Variants in TRAF3 observed in about 807,000 individuals in gnomAD.
TRAF3 encodes the protein TNF receptor associated factor 3.
In TRAF3, 13 loss-of-function variants were observed where a neutral mutation model predicts 62.3. That is an observed-to-expected ratio of 0.21 (90% CI 0.14 to 0.33). The LOEUF is 0.33. Ranked by LOEUF, TRAF3 falls within the 10% of genes least tolerant of loss-of-function variation. The probability of loss-of-function intolerance (pLI) is 1.00; values close to 1 mark genes in which losing one functional copy is unlikely to be tolerated. For missense variants in TRAF3, 440 were observed against 741.8 expected (o/e 0.59, Z 4.73); for synonymous variants, 269 against 283.4 (o/e 0.95, Z 0.51).
chr14:102,824,069 C>G (rs867745285), intron 1 of TRAF3, among the ~76,000 whole-genome samples: 2 of 152,192 alleles, frequency 1.3e-5, no homozygotes, highest in Non-Finnish European at 2.9e-5. Context: ...TGTGAACATT[C>G]ATGTACAGGT....
At position 102,906,447 on chromosome 14, in the gene TRAF3, C is replaced by A. The variant is rs1010612836; in HGVS notation, c.*663C>A. 6.6e-6 allele frequency: 1 copy of A among 152,246 alleles called. No homozygotes were observed. The highest frequency in any genetic ancestry group is 2.4e-5 in the African/African-American group (1 of 41,408). 9.4% of individuals were successfully genotyped at this position (152,246 alleles called of 1,614,324 possible). On this transcript the variant is annotated 3_prime_UTR_variant, in exon 12 of 12. Transcript: ENST00000392745. Reference sequence around the variant, plus strand: ...CATTTTATTTTAAAACGTTGATAGACTGATATTTCTTGGAAGAAAATATAA... The same window carrying A: ...CATTTTATTTTAAAACGTTGATAGAATGATATTTCTTGGAAGAAAATATAA...
In TRAF3 at chr14:102,794,738, C is replaced by G. The variant is rs373182575; in HGVS notation, c.-157+17063C>G. Among the ~76,000 whole-genome samples the G allele has an allele frequency of 7.0e-4, 107 of 152,286 alleles. 1 individual carries two copies. In the South Asian group the frequency reaches 0.015, roughly 22 times the overall value. ...TTGTGGATTAAAATGGAAATGCCAA[C>G]TGTTGTGTGTTACTCATTTTCAGTG... is the stretch of plus-strand genomic sequence containing the variant. On this transcript the variant is annotated intron_variant, in intron 1 of 11. Transcript: ENST00000392745.
intron 1 of TRAF3, among the ~76,000 whole-genome samples, chr14:102,807,574 T>A (rs2139496411): frequency 6.6e-6 from 1 of 152,354 alleles, no homozygotes; most frequent in African/African-American, 2.4e-5. Flanking sequence ...CTCACTCACC[T>A]GTGCTGCCTT....
At chr14:102,857,062 C>T (rs1168928861) in intron 2 of TRAF3, among the ~76,000 whole-genome samples, 1 of 152,178 alleles carries the variant, frequency 6.6e-6, no homozygotes, top group Non-Finnish European at 1.5e-5. Context: ...CCTGAGTAAA[C>T]TAAACAAGAA....
At chr14:102,780,923 G>A (rs1897248534) in intron 1 of TRAF3, among the ~76,000 whole-genome samples, 4 of 152,178 alleles carry the variant, frequency 2.6e-5, no homozygotes. Context: ...TGGCAGGAAG[G>A]ATAAGGAAAA....
chr14:102,840,965 GT>G (rs1886341742), intron 2 of TRAF3, among the ~76,000 whole-genome samples: 1 of 152,166 alleles, frequency 6.6e-6, no homozygotes, highest in African/African-American at 2.4e-5. Context: ...ACCATTGTAG[GT>G]TTTGGGGGCC....
intron 6 of TRAF3, among the ~76,000 whole-genome samples, chr14:102,884,105 A>G (rs1036467033): frequency 6.6e-6 from 1 of 152,238 alleles, no homozygotes; most frequent in Admixed American, 6.5e-5. Context: ...GGGTCTGGAA[A>G]TGCAAAACCA....
chr14:102,788,723 A>C (rs968592638), intron 1 of TRAF3, among the ~76,000 whole-genome samples: 2 of 152,210 alleles, frequency 1.3e-5, no homozygotes, highest in Non-Finnish European at 1.5e-5. Context: ...ACTTGAGCCC[A>C]GGAGGCAAAA....
At chr14:102,813,337 G>T (rs1028634222) in intron 1 of TRAF3, among the ~76,000 whole-genome samples, 1 of 152,020 alleles carries the variant, frequency 6.6e-6, no homozygotes, top group Non-Finnish European at 1.5e-5. Context: ...GTTTTGTTTT[G>T]CATTTCCTTG....
intron 1 of TRAF3, among the ~76,000 whole-genome samples, chr14:102,806,195 C>A (rs573062658): frequency 6.6e-6 from 1 of 152,138 alleles, no homozygotes. Context: ...ATGTTAGTTG[C>A]GCCAAGGTTG....
intron 1 of TRAF3, among the ~76,000 whole-genome samples, chr14:102,809,744 A>G (rs1422518890): frequency 6.6e-6 from 1 of 150,802 alleles, no homozygotes; most frequent in East Asian, 2.0e-4. Context: ...GTTAGCCAGG[A>G]TGGTCTCAAT....
chr14:102,864,164 T>C (rs1258019865), intron 2 of TRAF3, among the ~76,000 whole-genome samples: 1 of 150,702 alleles, frequency 6.6e-6, no homozygotes, highest in African/African-American at 2.4e-5. Flanking sequence ...TTTTTTTTTT[T>C]TGGAGACGGA....
intron 10 of TRAF3, among the ~76,000 whole-genome samples, chr14:102,901,773 GTCT>G (rs1890315065): frequency 6.6e-6 from 1 of 152,208 alleles, no homozygotes; most frequent in Non-Finnish European, 1.5e-5. Flanking sequence ...TCATGTTTGT[GTCT>G]TTGTGGTTAA....
chr14:102,876,530 G>C lies in TRAF3; in HGVS notation c.570+5G>C, dbSNP rs904825937. The C allele has an allele frequency of 1.2e-6, 2 of 1,612,706 alleles. No individual in the cohort carries two copies. Among genetic ancestry groups the C allele is most frequent in the Non-Finnish European group, 1.7e-6 (2 of 1,179,644 alleles). On this transcript the variant is annotated splice_donor_5th_base_variant and intron_variant, in intron 6 of 11. Coordinates refer to ENST00000392745, the MANE Select transcript of TRAF3 (RefSeq NM_145725.3). ...GTTCCGATGATCGCGCTGCAGGTGC[G>C]GGTCCTCCCATTCCACAGGCCTTCC...
chr14:102,839,568 T>A (rs1886251538), intron 2 of TRAF3, among the ~76,000 whole-genome samples: 1 of 152,200 alleles, frequency 6.6e-6, no homozygotes, highest in East Asian at 1.9e-4. Context: ...GAGCACTTAC[T>A]TTCAACAGTG....
intron 1 of TRAF3, among the ~76,000 whole-genome samples, chr14:102,781,439 G>T (rs1011805336): frequency 6.6e-6 from 1 of 152,168 alleles, no homozygotes; most frequent in Admixed American, 6.5e-5. Context: ...CCACTTTGCT[G>T]TCCCTACCAT....
chr14:102,877,593 C>T (rs376865178), intron 6 of TRAF3, among the ~76,000 whole-genome samples: 5 of 147,168 alleles, frequency 3.4e-5, no homozygotes, highest in South Asian at 2.2e-4. Flanking sequence ...ACAGGCCTTC[C>T]GCTCAGCTCA....
At chr14:102,885,599 G>A (rs891467190) in intron 6 of TRAF3, among the ~76,000 whole-genome samples, 8 of 152,322 alleles carry the variant, frequency 5.3e-5, no homozygotes, top group Non-Finnish European at 1.0e-4. Context: ...ATTAGGGAAG[G>A]CCTAACCCAA....
chr14:102,812,897 C>T (rs1371388407), intron 1 of TRAF3, among the ~76,000 whole-genome samples: 2 of 151,268 alleles, frequency 1.3e-5, no homozygotes, highest in Non-Finnish European at 2.9e-5. Flanking sequence ...CCGGCCTGGG[C>T]GAAAGAGCGA....
Sources: gnomAD v4.1 joint callset for allele counts (sites outside exome capture counted in the v4.1 genomes callset) on GRCh38, gnomAD v4.1.1 for gene constraint, MANE v1.5 for transcripts, NCBI Gene and HGNC (gene_info 2026-07-23, HGNC 2026-07-21) for gene names.